The following GARNL3 variants were observed in gnomAD, a reference collection of about 807,000 sequenced individuals.
GARNL3 encodes GTPase activating Rap/RanGAP domain like 3, also known as GTPase-activating Rap/Ran-GAP domain-like protein 3.
In GARNL3, 63 loss-of-function variants were observed where a neutral mutation model predicts 125.0. The ratio of observed to expected loss-of-function variants is 0.50; its 90% CI spans 0.41 to 0.62. GARNL3 has a LOEUF of 0.62. Among genes scored for constraint, GARNL3 ranks in the 20% least tolerant of loss-of-function variants. GARNL3 has a pLI of 0.00. For synonymous variants in GARNL3, 439 were observed against 457.5 expected, an observed-to-expected ratio of 0.96 and a Z score of 0.52; for missense variants, 994 against 1,244.0, an observed-to-expected ratio of 0.80 and a Z score of 3.02.
intron 17 of GARNL3, 50 bp downstream of exon 17, chr9:127,349,085 A>G (rs1830296702): frequency 1.6e-6 from 2 of 1,284,752 alleles, no homozygotes; most frequent in African/African-American, 1.5e-5. Flanking sequence ...AACTTGTAGT[A>G]CTTCTAAGAT....
At chr9:127,265,866 T>G (rs2063693584) in intron 1 of GARNL3, among the ~76,000 whole-genome samples, 1 of 152,154 alleles carries the variant, frequency 6.6e-6, no homozygotes, top group Admixed American at 6.6e-5. Context: ...GTAGAAAAAT[T>G]TATAGCGGAG....
At position 127,385,028 on chromosome 9, in the gene GARNL3, C is replaced by A. The variant is rs1340427671; in HGVS notation, c.2271C>A (p.Val757=). ...FCWNQAPYAI[V]CAFPYLLAFT... The stretch of plus-strand genomic sequence containing the variant: ...GGTGACACTCCCGTTCCCTTGCAGT[C>A]TGTGCTTTCCCGTATCTCCTGGCCT... The change falls in exon 24 of 28, where the codon GTC becomes GTA. Residue 757 remains valine, a splice_region_variant and synonymous_variant. Transcript: ENST00000373387. This position sits in a 1 kb window ranked among gnomAD's most constrained non-coding sequence, Gnocchi z 4.1. 4 of 1,601,434 alleles carry A rather than the reference C, an allele frequency of 2.5e-6. No homozygotes were observed. Among genetic ancestry groups the A allele is most frequent in the Non-Finnish European group, 3.4e-6 (4 of 1,171,404 alleles).
intron 1 of GARNL3, among the ~76,000 whole-genome samples, chr9:127,241,929 G>C (rs183997916): frequency 6.7e-6 from 1 of 149,836 alleles, no homozygotes; most frequent in Non-Finnish European, 1.5e-5. Flanking sequence ...CACTATGCCC[G>C]GCCTGGTTTG....
Position 127,385,221 on chromosome 9 carries a change from G to A in GARNL3, c.2388+76G>A. ...TGTGGGATTTCAGGTGAGCACAGAAGCCGCCTCTTGTCAAGTTAGGCTGAT... is the reference window on the plus strand; with the variant it reads ...TGTGGGATTTCAGGTGAGCACAGAAACCGCCTCTTGTCAAGTTAGGCTGAT... On this transcript the variant is annotated intron_variant, in intron 24 of 27. Transcript: ENST00000373387. This position sits in a 1 kb window ranked among gnomAD's most constrained non-coding sequence, Gnocchi z 4.1. The A allele has an allele frequency of 1.2e-6, 1 of 824,878 alleles. No homozygotes were observed. Among genetic ancestry groups the A allele is most frequent in the Non-Finnish European group, 1.9e-6 (1 of 525,498 alleles). The allele number at this position is 824,878 out of a possible 1,614,324, so 51.1% of individuals were successfully genotyped here.
chr9:127,325,281 G>C (rs538515800), intron 7 of GARNL3, among the ~76,000 whole-genome samples, 186 bp downstream of exon 7: 1 of 152,136 alleles, frequency 6.6e-6, no homozygotes, highest in Non-Finnish European at 1.5e-5. Context: ...AATTTTCTAT[G>C]CATCTAGCTA....
At chr9:127,346,678 T>C (rs1468942338) in intron 16 of GARNL3, among the ~76,000 whole-genome samples, 1 of 152,210 alleles carries the variant, frequency 6.6e-6, no homozygotes, top group Non-Finnish European at 1.5e-5. Context: ...TCAGTACTTA[T>C]AACCCACCCG....
rs780437218 is a variant in GARNL3, at chr9:127,387,262, A to G, written c.2458A>G (p.Ser820Gly). ...ATCTGGAGGCAGCTCCAAGGGGGCC[A>G]GTGCCCGAAATTCTCCTCAGACACC... is the stretch of plus-strand genomic sequence containing the variant. Reference protein sequence around the residue: ...VSSGGSSKGASARNSPQTPPG... With the variant: ...VSSGGSSKGAGARNSPQTPPG... The change falls in exon 25 of 28, where the codon AGT becomes GGT. Residue 820 changes from serine to glycine, a missense_variant. By Grantham distance (56) the Ser-to-Gly change is moderately conservative (BLOSUM62 0). This residue lies in a region of GARNL3 where 728 missense variants were observed against 865.7 expected (regional missense o/e 0.84). Coordinates refer to ENST00000373387, the MANE Select transcript of GARNL3 (RefSeq NM_032293.5). The G allele has an allele frequency of 6.2e-7, 1 of 1,614,170 alleles. No homozygotes were observed.
Position 127,387,249 on chromosome 9 carries a change from C to A in GARNL3, c.2445C>A (p.Ser815Arg). Residue 815 changes from serine to arginine, a missense_variant, in exon 25 of 28, where the codon AGC (serine) becomes AGA (arginine). This residue lies in a region of GARNL3 where 728 missense variants were observed against 865.7 expected (regional missense o/e 0.84). Transcript: ENST00000373387. The stretch of plus-strand genomic sequence containing the variant: ...TGAATGAGGTCTCATCTGGAGGCAG[C>A]TCCAAGGGGGCCAGTGCCCGAAATT... ...AAVNEVSSGG[S>R]SKGASARNSP... The A allele has an allele frequency of 6.2e-7, 1 of 1,614,150 alleles. No individual in the cohort carries two copies. Among genetic ancestry groups the A allele is most frequent in the East Asian group, 2.2e-5 (1 of 44,884 alleles).
chr9:127,337,917 C>T (rs886980570), intron 11 of GARNL3, among the ~76,000 whole-genome samples, 199 bp from the exon 12 acceptor site: 1 of 152,146 alleles, frequency 6.6e-6, no homozygotes, highest in Non-Finnish European at 1.5e-5. Flanking sequence ...AACATTGAAC[C>T]TACTCATGGT....
intron 2 of GARNL3, among the ~76,000 whole-genome samples, chr9:127,309,914 G>A (rs541202670): frequency 3.3e-5 from 5 of 152,262 alleles, no homozygotes; most frequent in Non-Finnish European, 7.3e-5. Context: ...TCTTACATAC[G>A]TGGCACGATG....
intron 4 of GARNL3, among the ~76,000 whole-genome samples, chr9:127,317,652 G>A (rs1655450794): frequency 6.6e-6 from 1 of 151,578 alleles, no homozygotes; most frequent in Non-Finnish European, 1.5e-5. Flanking sequence ...AGGAGGCAGA[G>A]GTTGCATGAG....
At chr9:127,388,569 C>G (rs1292299698) in intron 25 of GARNL3, 1 of 342,260 alleles carries the variant, frequency 2.9e-6, no homozygotes, top group Non-Finnish European at 5.5e-6. Flanking sequence ...TTCATAAATT[C>G]TTACCACATC....
intron 1 of GARNL3, among the ~76,000 whole-genome samples, chr9:127,288,771 G>C (rs1451733371): frequency 1.3e-5 from 2 of 152,098 alleles, no homozygotes; most frequent in Non-Finnish European, 1.5e-5. Flanking sequence ...CTAAAATATA[G>C]TGTTTTATGA....
chr9:127,225,795 T>TGCGCGGCCCGGCTCGCCCTGGCGC (rs1554886437), intron 1 of GARNL3, among the ~76,000 whole-genome samples: 3 of 149,372 alleles, frequency 2.0e-5, no homozygotes, highest in Admixed American at 6.7e-5. Flanking sequence ...ACCTGCTGCC[T>TGCGCGGCCCGGCTCGCCCTGGCGC]CCGCGGCCCC....
At chr9:127,289,662 A>T (rs1430637453) in intron 1 of GARNL3, among the ~76,000 whole-genome samples, 6 of 152,188 alleles carry the variant, frequency 3.9e-5, no homozygotes, top group African/African-American at 1.4e-4. Context: ...TGTGACCCAA[A>T]GCCCTCACTA....
intron 1 of GARNL3, among the ~76,000 whole-genome samples, chr9:127,279,726 G>T (rs1042072591): frequency 2.0e-5 from 3 of 152,190 alleles, no homozygotes; most frequent in African/African-American, 7.2e-5. Context: ...TCAGGATTAT[G>T]TGTAGCATTT....
chr9:127,249,977 C>T (rs2063371823), intron 2 of GARNL3, among the ~76,000 whole-genome samples: 1 of 152,082 alleles, frequency 6.6e-6, no homozygotes, highest in African/African-American at 2.4e-5. Context: ...CCACTGGGCT[C>T]TAGCCTGGGC....
intron 8 of GARNL3, 146 bp downstream of exon 8, chr9:127,332,495 G>T: frequency 2.9e-6 from 2 of 680,598 alleles, no homozygotes; most frequent in Non-Finnish European, 5.2e-6. Flanking sequence ...AATTTTGTAG[G>T]GCAGTTGTTG....
rs912264135 is a variant in GARNL3 at position 127,387,248 on chromosome 9, G to A, written c.2444G>A (p.Ser815Asn). ...GTGAATGAGGTCTCATCTGGAGGCA[G>A]CTCCAAGGGGGCCAGTGCCCGAAAT... is the stretch of plus-strand genomic sequence containing the variant. Reference protein sequence around the residue: ...AAVNEVSSGGSSKGASARNSP... With the variant: ...AAVNEVSSGGNSKGASARNSP... Residue 815 changes from serine (S) to asparagine (N), a missense_variant, in exon 25 of 28, where the codon AGC (serine) becomes AAC (asparagine). Ser to Asn is a conservative substitution (Grantham distance 46). This residue lies in a region of GARNL3 where 728 missense variants were observed against 865.7 expected (regional missense o/e 0.84). Transcript: ENST00000373387. 6.2e-7 allele frequency: 1 copy of A among 1,614,096 alleles called. No individual in the cohort carries two copies. Among genetic ancestry groups the A allele is most frequent in the Non-Finnish European group, 8.5e-7 (1 of 1,179,960 alleles).
Sources: allele counts gnomAD v4.1 joint callset (sites outside exome capture counted in the v4.1 genomes callset), GRCh38; gene constraint gnomAD v4.1.1; regional missense constraint gnomAD v4.1.1; non-coding constraint Gnocchi (gnomAD v3.1); transcripts MANE v1.5; gene names NCBI Gene and HGNC (gene_info 2026-07-23, HGNC 2026-07-21).